CCDC178: variants seen among roughly 807,000 people sequenced by gnomAD.
The protein encoded by CCDC178 is coiled-coil domain containing 178, also known as coiled-coil domain-containing protein 178.
In CCDC178, 126 loss-of-function variants were observed where a neutral mutation model predicts 117.4. The ratio of observed to expected loss-of-function variants is 1.07; its 90% CI spans 0.93 to 1.24. The LOEUF (loss-of-function observed/expected upper bound fraction) is 1.24. Among genes scored for constraint, CCDC178 ranks in the 50% most tolerant of loss-of-function variants. The pLI is 0.00. For synonymous variants in CCDC178, 283 were observed against 313.4 expected (o/e 0.90, Z 1.02); for missense variants, 1,030 against 986.9 (o/e 1.04, Z -0.59).
chr18:33,315,087 G>A (rs2062398166), intron 11 of CCDC178, among the ~76,000 whole-genome samples: 1 of 152,102 alleles, frequency 6.6e-6, no homozygotes, highest in African/African-American at 2.4e-5. Context: ...TGGTCTCATA[G>A]CCCCTAGGGA....
chr18:33,152,719 G>A lies in CCDC178; in HGVS notation c.2238+59177C>T, dbSNP rs117231628. Among the ~76,000 whole-genome samples, 87 of 152,222 alleles carry A rather than the reference G, an allele frequency of 5.7e-4. No individual in the cohort carries two copies. The East Asian group carries it at 0.017, about 29-fold the overall frequency. On this transcript the variant is annotated intron_variant, in intron 20 of 22. Coordinates refer to ENST00000383096, the MANE Select transcript of CCDC178 (RefSeq NM_001105528.4). ...ACTAACAGTTGTTTTAAGTCATTAAGTGTTGGAGTGGACTGCTACACAGCA... is the reference window on the plus strand; with the variant it reads ...ACTAACAGTTGTTTTAAGTCATTAAATGTTGGAGTGGACTGCTACACAGCA...
At chr18:33,290,202 C>G (rs2060150152) in intron 12 of CCDC178, among the ~76,000 whole-genome samples, 1 of 152,106 alleles carries the variant, frequency 6.6e-6, no homozygotes, top group African/African-American at 2.4e-5. Flanking sequence ...CCAGAGAAAA[C>G]ATTTTTGTCA....
At chr18:33,325,773 G>T (rs1023930420) in intron 10 of CCDC178, among the ~76,000 whole-genome samples, 2 of 152,144 alleles carry the variant, frequency 1.3e-5, no homozygotes, top group African/African-American at 4.8e-5. Flanking sequence ...GTTTTATGGG[G>T]CGGTGATCTT....
chr18:33,383,762 A>G (rs1447431633), intron 5 of CCDC178, among the ~76,000 whole-genome samples: 2 of 152,178 alleles, frequency 1.3e-5, no homozygotes, highest in African/African-American at 2.4e-5. Context: ...AGAAAAGCCA[A>G]TGCAAAAACA....
intron 6 of CCDC178, among the ~76,000 whole-genome samples, chr18:33,369,599 G>C (rs2063268357): frequency 6.6e-6 from 1 of 151,848 alleles, no homozygotes; most frequent in Admixed American, 6.6e-5. Context: ...ACTTTTAACA[G>C]GTTAAAAAGA....
chr18:33,388,235 G>A (rs1314387475), intron 5 of CCDC178, among the ~76,000 whole-genome samples: 1 of 152,140 alleles, frequency 6.6e-6, no homozygotes, highest in Non-Finnish European at 1.5e-5. Flanking sequence ...TGACGTTGCA[G>A]AGAAATAATT....
intron 2 of CCDC178, among the ~76,000 whole-genome samples, chr18:33,439,148 T>G (rs1477600464): frequency 1.3e-5 from 2 of 152,246 alleles, no homozygotes; most frequent in Non-Finnish European, 2.9e-5. Context: ...TCCAGTGCTC[T>G]TGGAAATCAT....
intron 21 of CCDC178, among the ~76,000 whole-genome samples, chr18:33,023,966 A>G (rs2097931002): frequency 6.6e-6 from 1 of 152,150 alleles, no homozygotes; most frequent in Admixed American, 6.5e-5. Context: ...ACTATAAACA[A>G]TTCTGTAAAT....
intron 20 of CCDC178, among the ~76,000 whole-genome samples, chr18:33,151,655 G>A (rs933827812): frequency 6.6e-6 from 1 of 152,186 alleles, no homozygotes; most frequent in Non-Finnish European, 1.5e-5. Flanking sequence ...GTAATCAACT[G>A]AGGAAAGTTA....
intron 5 of CCDC178, among the ~76,000 whole-genome samples, chr18:33,374,545 A>C (rs935996967): frequency 6.6e-6 from 1 of 152,202 alleles, no homozygotes; most frequent in Non-Finnish European, 1.5e-5. Flanking sequence ...GGAAATGTAA[A>C]ATTGTTTAAA....
intron 20 of CCDC178, among the ~76,000 whole-genome samples, chr18:33,153,024 A>AC (rs1357031247): frequency 6.6e-6 from 1 of 150,440 alleles, no homozygotes; most frequent in African/African-American, 2.4e-5. Context: ...CTTGTGAAAA[A>AC]AAAAACAGGC....
intron 3 of CCDC178, among the ~76,000 whole-genome samples, chr18:33,405,861 GATGATGCAGATACAGTACT>G (rs2063773000): frequency 6.6e-6 from 1 of 152,074 alleles, no homozygotes; most frequent in African/African-American, 2.4e-5. Flanking sequence ...ATCCAGTACT[GATGATGCAGATACAGTACT>G]AGTACCAAAA....
At position 33,293,163 on chromosome 18, in the gene CCDC178, T is replaced by A. The variant is rs1158132821; in HGVS notation, c.1172A>T (p.Lys391Ile). The A allele has an allele frequency of 1.3e-6, 2 of 1,564,690 alleles. No homozygotes were observed. Among genetic ancestry groups the A allele is most frequent in the African/African-American group, 2.7e-5 (2 of 72,940 alleles). ...SSKNELHSLS[K>I]MLEDLRRVYD... ...TTTCTAATATGAAAAACTCACCATT[T>A]TTGATAGAGAATGTAATTCATTTTT... Residue 391 changes from lysine to isoleucine, a missense_variant, in exon 12 of 23, where the codon AAA (lysine) becomes ATA (isoleucine). Physicochemically the swap from Lys to Ile is moderately radical, Grantham distance 102. Coordinates refer to ENST00000383096, the MANE Select transcript of CCDC178 (RefSeq NM_001105528.4).
At chr18:33,306,412 T>TCGTG (rs1555681313) in intron 11 of CCDC178, among the ~76,000 whole-genome samples, 1 of 126,252 alleles carries the variant, frequency 7.9e-6, no homozygotes, top group African/African-American at 3.0e-5. Context: ...TATTGGATCT[T>TCGTG]TGTGTGTGTG....
chr18:33,147,356 A>ATTTT (rs575608507), intron 20 of CCDC178, among the ~76,000 whole-genome samples: 1 of 94,620 alleles, frequency 1.1e-5, no homozygotes, highest in Non-Finnish European at 2.1e-5. Flanking sequence ...TGCCTTTTTA[A>ATTTT]TTTTTTTTTT....
At chr18:33,086,523 A>G (rs1291020716) in intron 21 of CCDC178, among the ~76,000 whole-genome samples, 2 of 151,794 alleles carry the variant, frequency 1.3e-5, no homozygotes, top group Non-Finnish European at 2.9e-5. Context: ...CACCAAGTCA[A>G]TCAGTAGTAA....
intron 20 of CCDC178, among the ~76,000 whole-genome samples, chr18:33,202,899 G>A (rs1340615013): frequency 6.6e-6 from 1 of 152,060 alleles, no homozygotes; most frequent in Non-Finnish European, 1.5e-5. Flanking sequence ...ACACTTAGAT[G>A]GAAATTCCTA....
At chr18:33,397,352 G>A in intron 3 of CCDC178, 144 bp from the exon 4 acceptor site, 1 of 477,328 alleles carries the variant, frequency 2.1e-6, no homozygotes, top group Non-Finnish European at 3.7e-6. Flanking sequence ...AAGGGCTGAA[G>A]GGGTAAGTAG....
intron 2 of CCDC178, among the ~76,000 whole-genome samples, chr18:33,416,654 G>A (rs546402631): frequency 3.2e-4 from 48 of 152,006 alleles, no homozygotes; most frequent in Non-Finnish European, 5.0e-4. Flanking sequence ...GAAACTATGT[G>A]GGGAGCCTGG....
Sources: allele counts gnomAD v4.1 joint callset (sites outside exome capture counted in the v4.1 genomes callset), GRCh38; gene constraint gnomAD v4.1.1; transcripts MANE v1.5; gene names NCBI Gene and HGNC (gene_info 2026-07-23, HGNC 2026-07-21).